The following WWOX variants were observed in gnomAD, a reference collection of about 807,000 sequenced individuals.
WWOX encodes the protein WW domain-containing oxidoreductase.
A neutral mutation model predicts 46.2 loss-of-function variants in WWOX; 69 were observed. The observed-to-expected ratio is 1.49, with a 90% CI of 1.23 to 1.82. The LOEUF (loss-of-function observed/expected upper bound fraction) is 1.82, where lower values mean the gene tolerates loss of function less well. Among genes scored for constraint, WWOX ranks in the 40% most tolerant of loss-of-function variants. The probability of loss-of-function intolerance (pLI) is 0.00; values close to 1 mark genes in which losing one functional copy is unlikely to be tolerated. For missense variants in WWOX, 919 were observed against 542.6 expected (o/e 1.69, Z -6.89); for synonymous variants, 359 against 202.6 (o/e 1.77, Z -6.56).
chr16:79,100,373 A>G (rs1334781684), intron 8 of WWOX, among the ~76,000 whole-genome samples: 1 of 152,194 alleles, frequency 6.6e-6, no homozygotes, highest in Non-Finnish European at 1.5e-5. Context: ...TAGTGATCCG[A>G]TTCAGAAAAG....
intron 4 of WWOX, among the ~76,000 whole-genome samples, chr16:78,126,158 T>A (rs2033352179): frequency 1.3e-5 from 2 of 152,190 alleles, no homozygotes; most frequent in Admixed American, 1.3e-4. Context: ...CCCAGTGTGG[T>A]ACATTCGGGT....
intron 8 of WWOX, among the ~76,000 whole-genome samples, chr16:79,154,848 C>T (rs566055542): frequency 6.6e-6 from 1 of 152,280 alleles, no homozygotes; most frequent in South Asian, 2.1e-4. Flanking sequence ...CTTTTATAAA[C>T]TTGATCCAAG....
chr16:78,770,712 T>G (rs1197526212), intron 8 of WWOX, among the ~76,000 whole-genome samples: 1 of 128,528 alleles, frequency 7.8e-6, no homozygotes, highest in South Asian at 2.7e-4. Context: ...CTATGGGAGC[T>G]TCGCACCAGA....
rs796901151 is a variant in WWOX, at chr16:78,111,356, C to A, written c.230+1521C>A. Among the ~76,000 whole-genome samples the A allele has an allele frequency of 2.0e-5, 3 of 152,128 alleles. No homozygotes were observed. In the South Asian group the frequency reaches 6.2e-4, roughly 32 times the overall value. On this transcript the variant is annotated intron_variant, in intron 3 of 8. Coordinates refer to ENST00000566780, the MANE Select transcript of WWOX (RefSeq NM_016373.4). ...TACTATAAACACTATTAATCATTAG[C>A]TTTTAATATTACTCTTTGTGGCATT...
chr16:78,573,040 C>G (rs2044757740), intron 8 of WWOX, among the ~76,000 whole-genome samples: 1 of 152,226 alleles, frequency 6.6e-6, no homozygotes, highest in Non-Finnish European at 1.5e-5. Context: ...GTAATCCCAG[C>G]ACTTTGGGAG....
chr16:78,974,961 G>A (rs1330980107), intron 8 of WWOX, among the ~76,000 whole-genome samples: 1 of 152,174 alleles, frequency 6.6e-6, no homozygotes, highest in Non-Finnish European at 1.5e-5. Context: ...CCCAAAGGGA[G>A]ATGGACATTT....
At chr16:78,392,567 C>G (rs547128621) in intron 6 of WWOX, among the ~76,000 whole-genome samples, 2 of 152,122 alleles carry the variant, frequency 1.3e-5, no homozygotes, top group African/African-American at 4.8e-5. Context: ...AAACCACTTG[C>G]TGGTGCCAAA....
At chr16:79,147,481 T>G (rs190614469) in intron 8 of WWOX, among the ~76,000 whole-genome samples, 2 of 152,352 alleles carry the variant, frequency 1.3e-5, no homozygotes, top group African/African-American at 4.8e-5. Context: ...TACATATAAG[T>G]GATCGTATGT....
intron 8 of WWOX, among the ~76,000 whole-genome samples, chr16:78,762,430 C>G (rs1360589644): frequency 6.6e-6 from 1 of 152,176 alleles, no homozygotes; most frequent in Non-Finnish European, 1.5e-5. Flanking sequence ...TGCTCACCGC[C>G]CCCACTTCCC....
chr16:78,839,189 TA>T (rs2052071596), intron 8 of WWOX, among the ~76,000 whole-genome samples: 1 of 152,188 alleles, frequency 6.6e-6, no homozygotes, highest in African/African-American at 2.4e-5. Context: ...ATTCAACAAG[TA>T]AATTCAAATC....
At chr16:78,760,463 C>T (rs1379530409) in intron 8 of WWOX, among the ~76,000 whole-genome samples, 1 of 152,182 alleles carries the variant, frequency 6.6e-6, no homozygotes, top group Non-Finnish European at 1.5e-5. Context: ...AGCATACTCA[C>T]AGGTGGGATT....
chr16:78,508,557 A>T (rs1400462639), intron 8 of WWOX, among the ~76,000 whole-genome samples: 1 of 152,074 alleles, frequency 6.6e-6, no homozygotes, highest in Non-Finnish European at 1.5e-5. Flanking sequence ...CCCAGTCCCT[A>T]TTCTTAGGTT....
At chr16:78,206,902 A>T (rs889895446) in intron 5 of WWOX, among the ~76,000 whole-genome samples, 1 of 152,222 alleles carries the variant, frequency 6.6e-6, no homozygotes, top group African/African-American at 2.4e-5. Context: ...TAATGATAAT[A>T]GCTAATGATA....
intron 5 of WWOX, among the ~76,000 whole-genome samples, chr16:78,310,603 G>A (rs1173385522): frequency 6.6e-6 from 1 of 152,172 alleles, no homozygotes; most frequent in Non-Finnish European, 1.5e-5. Context: ...AAGGGTGCGG[G>A]CCATGTGCCA....
In WWOX at chr16:78,125,475, C is replaced by A. The variant is rs564218666; in HGVS notation, c.409+10321C>A. On this transcript the variant is annotated intron_variant, in intron 4 of 8. Transcript: ENST00000566780. ...CAATTTATTTAAACCCGTGAAGCCT[C>A]GCTCTGTGCCCGGTCAAGTGCTGGG... is the stretch of plus-strand genomic sequence containing the variant. Among the ~76,000 whole-genome samples the A allele has an allele frequency of 4.0e-4, 61 of 152,272 alleles. No homozygotes were observed. In the South Asian group the frequency reaches 0.012, roughly 31 times the overall value.
chr16:79,110,377 T>C, intron 8 of WWOX, among the ~76,000 whole-genome samples: 1 of 152,092 alleles, frequency 6.6e-6, no homozygotes, highest in East Asian at 1.9e-4. Context: ...CCATCAAATG[T>C]AGCTTGGAGA....
At chr16:78,510,047 G>C (rs2085322100) in intron 8 of WWOX, among the ~76,000 whole-genome samples, 2 of 150,288 alleles carry the variant, frequency 1.3e-5, no homozygotes, top group Admixed American at 6.7e-5. Context: ...GGGCAACAAA[G>C]AGAGATCCTG....
chr16:78,728,055 CTTT>C lies in WWOX; in HGVS notation c.1056+295328_1056+295330del, dbSNP rs758484198. ...TTCCTCTTTCCTCTCTCCCTCCTTC[CTTT>C]TTTTTTTTTTTTTTTTTTTTTTTTG... On this transcript the variant is annotated intron_variant, in intron 8 of 8. Transcript: ENST00000566780. Among the ~76,000 whole-genome samples, 48 of 86,780 alleles carry C rather than the reference CTTT, an allele frequency of 5.5e-4. 3 individuals carry two copies. Among genetic ancestry groups the C allele is most frequent in the South Asian group, 3.0e-3 (7 of 2,360 alleles). The allele number at this position is 86,780 out of a possible 152,430, so 56.9% of individuals were successfully genotyped here. A position where few individuals can be genotyped will look rare whatever the true frequency, so the allele number is the denominator to read the frequency against.
At position 79,126,053 on chromosome 16, in the gene WWOX, G is replaced by C. The variant is rs139785712; in HGVS notation, c.1057-85555G>C. Among the ~76,000 whole-genome samples, 656 of 152,228 alleles carry C rather than the reference G, an allele frequency of 4.3e-3. 3 individuals are homozygous for C. Among genetic ancestry groups the C allele is most frequent in the Non-Finnish European group, 6.4e-3 (433 of 68,016 alleles). On this transcript the variant is annotated intron_variant, in intron 8 of 8. Transcript: ENST00000566780. Reference sequence around the variant, plus strand: ...AATGGATAAACATGTACAAAATTATGATCCCTTGTGTTAAATATGGTAGGG... The same window carrying C: ...AATGGATAAACATGTACAAAATTATCATCCCTTGTGTTAAATATGGTAGGG...
Sources: gnomAD v4.1 joint callset for allele counts (sites outside exome capture counted in the v4.1 genomes callset) on GRCh38, gnomAD v4.1.1 for gene constraint, MANE v1.5 for transcripts, NCBI Gene and HGNC (gene_info 2026-07-23, HGNC 2026-07-21) for gene names.